KDM4B: variants seen among roughly 807,000 people sequenced by gnomAD.
The protein encoded by KDM4B is lysine demethylase 4B.
KDM4B carries 32 observed loss-of-function variants against 125.2 expected under a neutral mutation model. The ratio of observed to expected loss-of-function variants is 0.26; its 90% CI spans 0.19 to 0.34. KDM4B has a LOEUF of 0.34. Among genes scored for constraint, KDM4B ranks in the 10% least tolerant of loss-of-function variants. The pLI, the probability that KDM4B is intolerant of heterozygous loss-of-function variation, is 1.00. For missense variants in KDM4B, 1,190 were observed against 1,577.7 expected (o/e 0.75, Z 4.16); for synonymous variants, 721 against 677.9 (o/e 1.06, Z -0.99).
At chr19:5,113,991 CGTT>C (rs1342607648) in intron 10 of KDM4B, 1 of 1,252,080 alleles carries the variant, frequency 8.0e-7, no homozygotes, top group African/African-American at 1.5e-5. Context: ...AACTAAATCT[CGTT>C]GAGCGAGCGT....
Position 5,051,282 on chromosome 19 carries a change from C to T in KDM4B, c.626+3613C>T, listed in dbSNP as rs576330221. ...AGAAGAGAGTGGAGTGGCCATCCCC[C>T]CTCGAGGGCCCTGGCCCACGCTGCC... On this transcript the variant is annotated intron_variant, in intron 6 of 22. Coordinates refer to ENST00000159111, the MANE Select transcript of KDM4B (RefSeq NM_015015.3). Among the ~76,000 whole-genome samples, 97 of 152,364 alleles carry T rather than the reference C, an allele frequency of 6.4e-4. 1 individual carries two copies. Among genetic ancestry groups the T allele is most frequent in the African/African-American group, 2.0e-3 (85 of 41,596 alleles).
intron 11 of KDM4B, among the ~76,000 whole-genome samples, chr19:5,124,419 T>C (rs551054766): frequency 6.6e-6 from 1 of 152,218 alleles, no homozygotes; most frequent in Admixed American, 6.5e-5. Context: ...TCAGAGTCTG[T>C]CCTGGGTTCT....
At chr19:5,137,750 AC>A in intron 17 of KDM4B, 74 bp downstream of exon 17, 1 of 1,381,090 alleles carries the variant, frequency 7.2e-7, no homozygotes, top group Non-Finnish European at 9.8e-7. Context: ...GCAGGGTGTG[AC>A]CCCAGTGCCT....
Position 5,144,139 on chromosome 19 carries a change from C to T in KDM4B, c.2723C>T (p.Ser908Leu), listed in dbSNP as rs1291257117. 16 of 1,596,286 alleles carry T rather than the reference C, an allele frequency of 1.0e-5. No individual in the cohort carries two copies. Among genetic ancestry groups the T allele is most frequent in the East Asian group, 2.3e-5 (1 of 44,346 alleles). The change falls in exon 19 of 23, where the codon TCG becomes TTG. Residue 908 changes from serine (S) to leucine (L), a missense_variant. Physicochemically the swap from Ser to Leu is moderately radical, Grantham distance 145. This residue lies in a region of KDM4B where 298 missense variants were observed against 439.7 expected (regional missense o/e 0.68). Coordinates refer to ENST00000159111, the MANE Select transcript of KDM4B (RefSeq NM_015015.3). The part of the protein sequence containing the change: ...VVSITCLKHK[S>L]GGHAVQLLRA... ...TCCATCACCTGCCTCAAGCACAAGT[C>T]GGGGGGTCACGCTGTGAGTGCCTGC... is the stretch of plus-strand genomic sequence containing the variant.
intron 1 of KDM4B, among the ~76,000 whole-genome samples, chr19:5,015,045 C>T (rs2035851219): frequency 6.6e-6 from 1 of 151,832 alleles, no homozygotes; most frequent in East Asian, 1.9e-4. Context: ...GGGCGAGCTC[C>T]TCTGCCCTGG....
At chr19:5,072,305 C>G (rs2145828193) in intron 7 of KDM4B, among the ~76,000 whole-genome samples, 1 of 152,328 alleles carries the variant, frequency 6.6e-6, no homozygotes, top group East Asian at 1.9e-4. Flanking sequence ...AAATGTTGCC[C>G]AAGCGCGGCA....
At chr19:5,124,017 C>A (rs1011949332) in intron 11 of KDM4B, among the ~76,000 whole-genome samples, 1 of 151,832 alleles carries the variant, frequency 6.6e-6, no homozygotes, top group African/African-American at 2.4e-5. Context: ...GGGCTGGGGT[C>A]CCTGGGGGTG....
chr19:5,121,063 C>T (rs1200996629), intron 11 of KDM4B, among the ~76,000 whole-genome samples: 1 of 152,200 alleles, frequency 6.6e-6, no homozygotes, highest in Non-Finnish European at 1.5e-5. Context: ...GAGGTCCCTC[C>T]CACCTGCCAG....
intron 5 of KDM4B, among the ~76,000 whole-genome samples, chr19:5,045,443 G>A (rs1056452188): frequency 3.9e-5 from 6 of 152,134 alleles, no homozygotes; most frequent in Non-Finnish European, 1.5e-5. Context: ...TTGGAGTGCA[G>A]TGGCGTGATC....
chr19:5,125,917 A>G (rs2039441385), intron 11 of KDM4B, among the ~76,000 whole-genome samples: 1 of 152,132 alleles, frequency 6.6e-6, no homozygotes, highest in South Asian at 2.1e-4. Context: ...TCTGGACGAG[A>G]GGTTTATCTC....
In KDM4B at chr19:5,144,861, A is replaced by G. The variant is rs776452051; in HGVS notation, c.2980A>G (p.Lys994Glu). 1 of 1,612,864 alleles carries G rather than the reference A, an allele frequency of 6.2e-7. No homozygotes were observed. The highest frequency in any genetic ancestry group is 8.5e-7 in the Non-Finnish European group (1 of 1,179,716). Residue 994 changes from lysine (K) to glutamate (E), a missense_variant, in exon 21 of 23, where the codon AAG becomes GAG. By Grantham distance (56) the Lys-to-Glu change is moderately conservative. Coordinates refer to ENST00000159111, the MANE Select transcript of KDM4B (RefSeq NM_015015.3). ...CCGGTGGACTGACGGCAACCTCTACAAGGCCAAGTTCATCTCCTCCGTCAC... is the reference window on the plus strand; with the variant it reads ...CCGGTGGACTGACGGCAACCTCTACGAGGCCAAGTTCATCTCCTCCGTCAC... ...ELRWTDGNLY[K>E]AKFISSVTSH... is the part of the protein sequence containing the mutation.
At chr19:5,034,218 G>A (rs10421999) in intron 3 of KDM4B, among the ~76,000 whole-genome samples, 35,869 of 152,214 alleles carry the variant, frequency 0.24, 4,787 homozygotes, top group Middle Eastern at 0.38. Context: ...CTCTGTGTTC[G>A]GGTGTGGGCC....
intron 10 of KDM4B, chr19:5,113,290 T>G (rs1440403266): frequency 6.6e-6 from 1 of 151,734 alleles, no homozygotes; most frequent in Non-Finnish European, 1.5e-5. Context: ...TTCCCAAGGA[T>G]ATAATTTTCT....
At chr19:5,098,193 C>T (rs1027486395) in intron 9 of KDM4B, among the ~76,000 whole-genome samples, 2 of 152,240 alleles carry the variant, frequency 1.3e-5, no homozygotes, top group Non-Finnish European at 2.9e-5. Context: ...GCCCCATTAA[C>T]AGCAGGGGGG....
chr19:4,997,424 G>A lies in KDM4B; in HGVS notation c.-108-18833G>A, dbSNP rs1490615845. Among the ~76,000 whole-genome samples the A allele has an allele frequency of 6.6e-6, 1 of 152,118 alleles. No homozygotes were observed. The highest frequency in any genetic ancestry group is 1.9e-4 in the East Asian group (1 of 5,186). ...TGTGGTTCATGAGGACCTGCCATCTGGGGGCGGCGAGGTGGGCTGGGCTTT... is the reference window on the plus strand; with the variant it reads ...TGTGGTTCATGAGGACCTGCCATCTAGGGGCGGCGAGGTGGGCTGGGCTTT... On this transcript the variant is annotated intron_variant, in intron 1 of 22. Coordinates refer to ENST00000159111, the MANE Select transcript of KDM4B (RefSeq NM_015015.3). The surrounding 1 kb of genome is among the most constrained non-coding windows in gnomAD (Gnocchi z 4.2).
At chr19:4,974,595 G>A (rs189729120) in intron 1 of KDM4B, among the ~76,000 whole-genome samples, 1 of 151,132 alleles carries the variant, frequency 6.6e-6, no homozygotes, top group East Asian at 2.0e-4. Flanking sequence ...AAAATCAGCC[G>A]GGCATGGTGG....
In KDM4B at chr19:5,060,433, C is replaced by CAAAAAAAAAAAAAAAAAAAA. The variant is rs901472663; in HGVS notation, c.627-10566_627-10547dup. On this transcript the variant is annotated intron_variant, in intron 6 of 22. Transcript: ENST00000159111. ...GGGTGACGGAGGAAGACTCTGTCTCCAAAAAAAAAAAAAAAAAAAAAAAAA... is the reference window on the plus strand; with the variant it reads ...GGGTGACGGAGGAAGACTCTGTCTCCAAAAAAAAAAAAAAAAAAAAAAAAAAAAAAAAAAAAAAAAAAAAA... Among the ~76,000 whole-genome samples the CAAAAAAAAAAAAAAAAAAAA allele has an allele frequency of 3.9e-4, 13 of 32,978 alleles. 2 individuals are homozygous for CAAAAAAAAAAAAAAAAAAAA. Among genetic ancestry groups the CAAAAAAAAAAAAAAAAAAAA allele is most frequent in the Admixed American group, 1.5e-3 (3 of 2,058 alleles). 21.6% of individuals were successfully genotyped at this position (32,978 alleles called of 152,430 possible).
chr19:5,128,833 G>A (rs936892754), intron 11 of KDM4B, among the ~76,000 whole-genome samples: 1 of 149,364 alleles, frequency 6.7e-6, no homozygotes, highest in African/African-American at 2.5e-5. Flanking sequence ...AACAGCTGAG[G>A]GGCCAGATAA....
At chr19:5,019,371 G>A (rs1461232959) in intron 2 of KDM4B, among the ~76,000 whole-genome samples, 3 of 143,158 alleles carry the variant, frequency 2.1e-5, no homozygotes, top group Non-Finnish European at 3.0e-5. Flanking sequence ...TGTTGGTGTG[G>A]ACATTGGTGT....
Sources: allele counts gnomAD v4.1 joint callset (sites outside exome capture counted in the v4.1 genomes callset), GRCh38; gene constraint gnomAD v4.1.1; regional missense constraint gnomAD v4.1.1; non-coding constraint Gnocchi (gnomAD v3.1); transcripts MANE v1.5; gene names NCBI Gene and HGNC (gene_info 2026-07-23, HGNC 2026-07-21).